UCHL1: variants seen among roughly 807,000 people sequenced by gnomAD.
UCHL1 encodes ubiquitin C-terminal hydrolase L1.
A neutral mutation model predicts 33.3 loss-of-function variants in UCHL1; 5 were observed. The observed-to-expected ratio is 0.15, with a 90% CI of 0.08 to 0.32. The LOEUF (loss-of-function observed/expected upper bound fraction) is 0.32, where lower values mean the gene tolerates loss of function less well. UCHL1 is among the 10% of genes least tolerant of loss of function. The pLI is 1.00. For missense variants in UCHL1, 236 were observed against 280.0 expected (o/e 0.84, Z 1.12); for synonymous variants, 132 against 108.8 (o/e 1.21, Z -1.33).
intron 3 of UCHL1, among the ~76,000 whole-genome samples, chr4:41,260,298 T>A (rs1781050298): frequency 6.6e-6 from 1 of 152,218 alleles, no homozygotes; most frequent in African/African-American, 2.4e-5. Flanking sequence ...TGTTAAGTGT[T>A]AAAGGGAGAA....
At chr4:41,257,552 A>C (rs1260348319) in intron 2 of UCHL1, 57 bp from the exon 3 acceptor site, 6 of 1,443,004 alleles carry the variant, frequency 4.2e-6, no homozygotes, top group African/African-American at 3.0e-5. Flanking sequence ...GCCCCCTGGC[A>C]GGTGCCCGCG....
At position 41,260,632 on chromosome 4, in the gene UCHL1, T is replaced by G. The variant is rs1320385150; in HGVS notation, c.175-15T>G. 6.2e-7 allele frequency: 1 copy of G among 1,614,124 alleles called. No individual in the cohort carries two copies. The highest frequency in any genetic ancestry group is 8.5e-7 in the Non-Finnish European group (1 of 1,179,980). ...CTTTCATTCTGAGATGTAAAAACGC[T>G]TTTTACATTCGCAGCATGAGAACTT... On this transcript the variant is annotated splice_polypyrimidine_tract_variant and intron_variant, in intron 3 of 8. Coordinates refer to ENST00000284440, the MANE Select transcript of UCHL1 (RefSeq NM_004181.5).
chr4:41,258,000 C>T (rs992497489), intron 3 of UCHL1, among the ~76,000 whole-genome samples: 2 of 152,198 alleles, frequency 1.3e-5, no homozygotes, highest in South Asian at 2.1e-4. Flanking sequence ...TCCCGTTATC[C>T]AGGGAAATCA....
rs921695080 is a variant in UCHL1 at position 41,268,006 on chromosome 4, G to T, written c.605G>T (p.Arg202Ile). The T allele has an allele frequency of 1.2e-6, 2 of 1,613,610 alleles. No individual in the cohort carries two copies. Among genetic ancestry groups the T allele is most frequent in the Non-Finnish European group, 1.7e-6 (2 of 1,179,824 alleles). Residue 202 changes from arginine to isoleucine, a missense_variant, in exon 9 of 9, where the codon AGA becomes ATA. By Grantham distance (97) the Arg-to-Ile change is moderately conservative (BLOSUM62 -3). Coordinates refer to ENST00000284440, the MANE Select transcript of UCHL1 (RefSeq NM_004181.5). ...TTCCAGGACGCTGCCAAGGTCTGCA[G>T]AGAATTCACCGAGCGTGAGCAAGGA... ...TLLKDAAKVC[R>I]EFTEREQGEV...
At chr4:41,260,553 A>G in intron 3 of UCHL1, 94 bp from the exon 4 acceptor site, 2 of 1,456,988 alleles carry the variant, frequency 1.4e-6, no homozygotes, top group Non-Finnish European at 1.9e-6. Flanking sequence ...CACACATCCC[A>G]CTGGTGTTTC....
intron 8 of UCHL1, among the ~76,000 whole-genome samples, chr4:41,266,956 T>C (rs1781164274): frequency 1.3e-5 from 2 of 152,226 alleles, no homozygotes; most frequent in African/African-American, 4.8e-5. Flanking sequence ...TTCATTACCA[T>C]TCTGTATCAT....
Position 41,257,652 on chromosome 4 carries a change from A to G in UCHL1, c.89A>G (p.Asp30Gly). The G allele has an allele frequency of 6.4e-7, 1 of 1,567,574 alleles. No homozygotes were observed. The highest frequency in any genetic ancestry group is 8.6e-7 in the Non-Finnish European group (1 of 1,160,806). ...LGVAGQWRFVDVLGLEEESLG... is the reference protein window; with the variant it reads ...LGVAGQWRFVGVLGLEEESLG... ...GTCGCCGGCCAGTGGCGCTTCGTGG[A>G]CGTGCTGGGGCTGGAAGAGGAGTCT... Residue 30 changes from aspartate (D) to glycine (G), a missense_variant, in exon 3 of 9, where the codon GAC (aspartate) becomes GGC (glycine). Physicochemically the swap from Asp to Gly is moderately conservative, Grantham distance 94. Transcript: ENST00000284440.
intron 6 of UCHL1, among the ~76,000 whole-genome samples, chr4:41,262,537 G>A (rs1051453430): frequency 2.0e-5 from 3 of 152,014 alleles, no homozygotes; most frequent in Non-Finnish European, 4.4e-5. Flanking sequence ...AATGCCCAAC[G>A]AAGGACAAGT....
intron 2 of UCHL1, 47 bp downstream of exon 2, chr4:41,257,173 C>T (rs756027156): frequency 1.2e-6 from 2 of 1,611,028 alleles, no homozygotes; most frequent in Non-Finnish European, 1.7e-6. Context: ...CCGCGAGCGC[C>T]GAGGCGGGGG....
intron 8 of UCHL1, among the ~76,000 whole-genome samples, chr4:41,265,540 C>T (rs1781138069): frequency 6.6e-6 from 1 of 152,170 alleles, no homozygotes; most frequent in East Asian, 1.9e-4. Flanking sequence ...GATTGCACCA[C>T]TGTACTCCAG....
At chr4:41,258,016 C>T (rs972996045) in intron 3 of UCHL1, among the ~76,000 whole-genome samples, 3 of 152,204 alleles carry the variant, frequency 2.0e-5, no homozygotes, top group Non-Finnish European at 4.4e-5. Context: ...AATCATTCAT[C>T]CTACTCATGA....
chr4:41,261,622 G>A, intron 4 of UCHL1, 93 bp from the exon 5 acceptor site: 1 of 1,353,474 alleles, frequency 7.4e-7, no homozygotes, highest in Non-Finnish European at 1.0e-6. Flanking sequence ...GATTCAGGTT[G>A]CTCAGCATGT....
rs957347942 is a variant in UCHL1 at position 41,257,404 on chromosome 4, C to T, written c.46-205C>T. On this transcript the variant is annotated intron_variant, in intron 2 of 8. Coordinates refer to ENST00000284440, the MANE Select transcript of UCHL1 (RefSeq NM_004181.5). Reference sequence around the variant, plus strand: ...GGCGCGGGCAGCACAGACTCGGCTGCACGGGCTTCGCGGGCGCCACGTGTG... The same window carrying T: ...GGCGCGGGCAGCACAGACTCGGCTGTACGGGCTTCGCGGGCGCCACGTGTG... The T allele has an allele frequency of 1.9e-5, 17 of 899,018 alleles. No individual in the cohort carries two copies. The East Asian group carries it at 4.9e-4, about 26-fold the overall frequency. 55.7% of individuals were successfully genotyped at this position (899,018 alleles called of 1,614,324 possible).
At chr4:41,259,362 A>G (rs554488623) in intron 3 of UCHL1, among the ~76,000 whole-genome samples, 3 of 152,382 alleles carry the variant, frequency 2.0e-5, no homozygotes, top group Admixed American at 6.5e-5. Flanking sequence ...AATGATTTCC[A>G]TGGAAGAGCT....
intron 8 of UCHL1, 109 bp downstream of exon 8, chr4:41,264,270 G>GT: frequency 2.9e-6 from 4 of 1,363,266 alleles, no homozygotes; most frequent in Non-Finnish European, 4.2e-6. Context: ...AGTTGCCTGG[G>GT]TTAATAGCAG....
rs886059407 is a variant in UCHL1 at position 41,257,014 on chromosome 4, G to C, written c.33+5G>C. On this transcript the variant is annotated splice_donor_5th_base_variant and intron_variant, in intron 1 of 8. Coordinates refer to ENST00000284440, the MANE Select transcript of UCHL1 (RefSeq NM_004181.5). The stretch of plus-strand genomic sequence containing the variant: ...CCGATGGAGATCAACCCCGAGGTGA[G>C]CGCCAGGTGCACCGCTACCCGGAGA... The C allele has an allele frequency of 6.2e-7, 1 of 1,614,224 alleles. No individual in the cohort carries two copies. The highest frequency in any genetic ancestry group is 8.5e-7 in the Non-Finnish European group (1 of 1,180,020).
intron 8 of UCHL1, among the ~76,000 whole-genome samples, chr4:41,266,907 C>A (rs902356804): frequency 1.3e-5 from 2 of 152,160 alleles, no homozygotes; most frequent in African/African-American, 4.8e-5. Flanking sequence ...CTGGCCCAAA[C>A]TCATTGAGTT....
intron 2 of UCHL1, 110 bp downstream of exon 2, chr4:41,257,236 G>T: frequency 1.3e-6 from 2 of 1,544,448 alleles, no homozygotes; most frequent in Non-Finnish European, 1.8e-6. Context: ...TGCGAGCACC[G>T]GAGACGGCCG....
intron 3 of UCHL1, among the ~76,000 whole-genome samples, chr4:41,258,805 A>T (rs957620974): frequency 6.6e-6 from 1 of 152,244 alleles, no homozygotes; most frequent in Non-Finnish European, 1.5e-5. Context: ...TTTACAGCTA[A>T]TAAGATGATC....
Sources: gnomAD v4.1 joint callset for allele counts (sites outside exome capture counted in the v4.1 genomes callset) on GRCh38, gnomAD v4.1.1 for gene constraint, MANE v1.5 for transcripts, NCBI Gene and HGNC (gene_info 2026-07-23, HGNC 2026-07-21) for gene names.